Variants in MARCHF3 observed in about 807,000 individuals in gnomAD.
MARCHF3 encodes E3 ubiquitin-protein ligase MARCHF3.
In MARCHF3, 13 loss-of-function variants were observed where a neutral mutation model predicts 24.2. That is an observed-to-expected ratio of 0.54 (90% CI 0.35 to 0.85). The LOEUF (loss-of-function observed/expected upper bound fraction) is 0.85. MARCHF3 is among the 40% of genes least tolerant of loss of function. The probability of loss-of-function intolerance (pLI) is 0.01; values close to 1 mark genes in which losing one functional copy is unlikely to be tolerated. For synonymous variants in MARCHF3, 144 were observed against 137.3 expected (o/e 1.05, Z -0.34); for missense variants, 276 against 325.0 (o/e 0.85, Z 1.16).
At chr5:126,961,274 T>C (rs1750628366) in intron 1 of MARCHF3, among the ~76,000 whole-genome samples, 1 of 152,146 alleles carries the variant, frequency 6.6e-6, no homozygotes, top group African/African-American at 2.4e-5. Context: ...TTTCAACACA[T>C]TCTCTTTGTC....
chr5:126,943,404 C>A (rs1205038538), intron 1 of MARCHF3, among the ~76,000 whole-genome samples: 1 of 152,008 alleles, frequency 6.6e-6, no homozygotes, highest in East Asian at 1.9e-4. Flanking sequence ...ATACGGAGAT[C>A]CCGTCTATAC....
chr5:126,962,665 T>A (rs888394853), intron 1 of MARCHF3, among the ~76,000 whole-genome samples: 6 of 152,098 alleles, frequency 3.9e-5, no homozygotes, highest in Non-Finnish European at 8.8e-5. Context: ...GTATAAAGTG[T>A]ATATGAAACA....
chr5:126,886,267 G>C (rs57485054), intron 3 of MARCHF3, among the ~76,000 whole-genome samples: 7 of 152,060 alleles, frequency 4.6e-5, no homozygotes, highest in African/African-American at 1.7e-4. Context: ...CCTCCAGCCT[G>C]ATGCTCTTTC....
intron 3 of MARCHF3, among the ~76,000 whole-genome samples, chr5:126,892,509 A>G (rs1033729337): frequency 2.1e-4 from 31 of 148,360 alleles, no homozygotes; most frequent in Non-Finnish European, 3.7e-4. Flanking sequence ...GGGTTGTTGA[A>G]TTTTGTCAAA....
intron 1 of MARCHF3, among the ~76,000 whole-genome samples, chr5:126,943,754 C>G (rs1300626844): frequency 1.3e-5 from 2 of 151,814 alleles, no homozygotes; most frequent in East Asian, 3.9e-4. Context: ...AGTAAAGGAG[C>G]AAAGCAAAAT....
intron 1 of MARCHF3, among the ~76,000 whole-genome samples, chr5:127,025,337 A>T (rs1287942964): frequency 6.6e-6 from 1 of 151,340 alleles, no homozygotes; most frequent in Non-Finnish European, 1.5e-5. Context: ...AAAGAAACTA[A>T]CCAGGGGAAG....
intron 1 of MARCHF3, among the ~76,000 whole-genome samples, chr5:126,996,229 A>G (rs73337280): frequency 0.016 from 2,395 of 152,314 alleles, 56 homozygotes; most frequent in African/African-American, 0.051. Flanking sequence ...GGAAAGTTAT[A>G]GAGGAAAGAG....
At chr5:126,890,704 G>A (rs1242469748) in intron 3 of MARCHF3, among the ~76,000 whole-genome samples, 1 of 150,982 alleles carries the variant, frequency 6.6e-6, no homozygotes, top group Non-Finnish European at 1.5e-5. Flanking sequence ...ACATTTGGGT[G>A]GGTTCCAAGT....
intron 1 of MARCHF3, among the ~76,000 whole-genome samples, chr5:127,007,125 A>G (rs1008405506): frequency 6.6e-6 from 1 of 152,156 alleles, no homozygotes; most frequent in African/African-American, 2.4e-5. Context: ...CATCTTCCAA[A>G]TATAAAACAA....
chr5:126,895,285 C>T (rs1407819674), intron 3 of MARCHF3, among the ~76,000 whole-genome samples: 1 of 152,112 alleles, frequency 6.6e-6, no homozygotes, highest in Non-Finnish European at 1.5e-5. Context: ...GTAATTTGAT[C>T]GTCTGAAGCC....
At chr5:127,027,695 G>C (rs1753048664) in intron 1 of MARCHF3, among the ~76,000 whole-genome samples, 1 of 152,244 alleles carries the variant, frequency 6.6e-6, no homozygotes, top group South Asian at 2.1e-4. Flanking sequence ...GGGGTCCATT[G>C]TTGAAGACAG....
chr5:126,984,162 C>A (rs1469399553), intron 1 of MARCHF3, among the ~76,000 whole-genome samples: 2 of 152,058 alleles, frequency 1.3e-5, no homozygotes, highest in East Asian at 3.9e-4. Flanking sequence ...CATGCCATTC[C>A]CTGAGAAGGC....
chr5:126,913,427 C>A (rs190720525), intron 3 of MARCHF3, among the ~76,000 whole-genome samples: 2 of 152,316 alleles, frequency 1.3e-5, no homozygotes, highest in East Asian at 3.9e-4. Context: ...AAATTTTCAA[C>A]TCCTTTGTTT....
At chr5:126,948,356 A>G (rs1750098967) in intron 1 of MARCHF3, among the ~76,000 whole-genome samples, 1 of 151,484 alleles carries the variant, frequency 6.6e-6, no homozygotes, top group Admixed American at 6.6e-5. Flanking sequence ...TGGTTGAAAA[A>G]CTCTGCAAAT....
At chr5:126,892,766 T>C (rs1753741257) in intron 3 of MARCHF3, among the ~76,000 whole-genome samples, 1 of 149,644 alleles carries the variant, frequency 6.7e-6, no homozygotes, top group Non-Finnish European at 1.5e-5. Flanking sequence ...TTGTTATGTC[T>C]CTGCCTGGCT....
At chr5:126,976,514 T>C (rs1169118677) in intron 1 of MARCHF3, among the ~76,000 whole-genome samples, 1 of 151,314 alleles carries the variant, frequency 6.6e-6, no homozygotes, top group African/African-American at 2.4e-5. Context: ...ACTCAGCCCC[T>C]GTGTGGTTTC....
At chr5:126,975,028 C>T (rs1159901360) in intron 1 of MARCHF3, among the ~76,000 whole-genome samples, 1 of 152,226 alleles carries the variant, frequency 6.6e-6, no homozygotes, top group Non-Finnish European at 1.5e-5. Context: ...GCAATCTCAG[C>T]TCACTGCAAC....
intron 1 of MARCHF3, among the ~76,000 whole-genome samples, chr5:126,954,096 A>G (rs1300705928): frequency 6.6e-6 from 1 of 151,702 alleles, no homozygotes; most frequent in African/African-American, 2.4e-5. Context: ...GCCCAGGCGC[A>G]ATCTCCGCTC....
intron 1 of MARCHF3, among the ~76,000 whole-genome samples, chr5:126,932,789 C>T (rs968246530): frequency 1.3e-5 from 2 of 152,150 alleles, no homozygotes; most frequent in Non-Finnish European, 2.9e-5. Context: ...TTCCATTTAT[C>T]CTCCCCAGGT....
Sources: allele counts gnomAD v4.1 joint callset (sites outside exome capture counted in the v4.1 genomes callset), GRCh38; gene constraint gnomAD v4.1.1; transcripts MANE v1.5; gene names NCBI Gene and HGNC (gene_info 2026-07-23, HGNC 2026-07-21).